The following GLIS1 variants were observed in gnomAD, a reference collection of about 807,000 sequenced individuals.
The protein encoded by GLIS1 is zinc finger protein GLIS1.
A neutral mutation model predicts 63.8 loss-of-function variants in GLIS1; 24 were observed. The observed-to-expected ratio is 0.38, with a 90% CI of 0.27 to 0.53. The LOEUF (loss-of-function observed/expected upper bound fraction) is 0.53, where lower values mean the gene tolerates loss of function less well. Ranked by LOEUF, GLIS1 falls within the 20% of genes least tolerant of loss-of-function variation. The pLI is 0.85. For missense variants in GLIS1, 1,036 were observed against 1,074.1 expected, an observed-to-expected ratio of 0.96 and a Z score of 0.50; for synonymous variants, 450 against 482.5, an observed-to-expected ratio of 0.93 and a Z score of 0.88.
chr1:53,584,951 C>A (rs1205077573), intron 4 of GLIS1, among the ~76,000 whole-genome samples: 2 of 152,332 alleles, frequency 1.3e-5, no homozygotes, highest in South Asian at 4.1e-4. Flanking sequence ...GTCTGGACAC[C>A]TTCTTAAAGT....
chr1:53,701,111 C>T (rs993888958), intron 2 of GLIS1, among the ~76,000 whole-genome samples: 2 of 152,218 alleles, frequency 1.3e-5, no homozygotes, highest in Non-Finnish European at 2.9e-5. Flanking sequence ...TGGGCCCATG[C>T]TTTCAGTCCT....
At chr1:53,535,360 T>TCTA (rs1356388272) in intron 4 of GLIS1, among the ~76,000 whole-genome samples, 2 of 152,040 alleles carry the variant, frequency 1.3e-5, no homozygotes, top group Non-Finnish European at 2.9e-5. Context: ...GTTTCTTCCA[T>TCTA]CTACCTTTAC....
rs1406408608 is a variant in GLIS1 at position 53,594,321 on chromosome 1, C to T, written c.1107G>A (p.Arg369=). The part of the protein sequence containing the change: ...LGLAGRVVAG[R]QACRWVDCCA... ...AGCAGTCCACCCAGCGGCACGCCTG[C>T]CGCCCGGCCACCACCCTGCCTGCCA... The change falls in exon 4 of 11, where the codon CGG becomes CGA. Residue 369 remains arginine, a synonymous_variant. Coordinates refer to ENST00000628545, the MANE Select transcript of GLIS1 (RefSeq NM_001367484.1). 9 of 1,611,850 alleles carry T rather than the reference C, an allele frequency of 5.6e-6. No individual in the cohort carries two copies. The highest frequency in any genetic ancestry group is 6.8e-6 in the Non-Finnish European group (8 of 1,179,592).
intron 4 of GLIS1, among the ~76,000 whole-genome samples, chr1:53,538,053 C>T (rs1400236049): frequency 6.6e-6 from 1 of 152,264 alleles, no homozygotes; most frequent in East Asian, 1.9e-4. Context: ...CCGCTCCTCG[C>T]TCCTGCACTC....
intron 4 of GLIS1, among the ~76,000 whole-genome samples, chr1:53,530,955 G>A (rs995823910): frequency 1.3e-5 from 2 of 152,250 alleles, no homozygotes; most frequent in African/African-American, 4.8e-5. Flanking sequence ...CTACATCCAG[G>A]TGTGGTGCTG....
At chr1:53,561,397 A>G (rs139200707) in intron 4 of GLIS1, among the ~76,000 whole-genome samples, 9 of 152,338 alleles carry the variant, frequency 5.9e-5, no homozygotes, top group Admixed American at 4.6e-4. Context: ...TGTGACTGCT[A>G]ATTGGATCCT....
At chr1:53,669,212 C>G (rs528245847) in intron 2 of GLIS1, among the ~76,000 whole-genome samples, 18 of 152,264 alleles carry the variant, frequency 1.2e-4, no homozygotes, top group African/African-American at 3.6e-4. Context: ...CATCCTCCCC[C>G]CACCTAGAGG....
intron 2 of GLIS1, among the ~76,000 whole-genome samples, chr1:53,638,815 C>G (rs893609987): frequency 6.6e-6 from 1 of 152,134 alleles, no homozygotes; most frequent in Non-Finnish European, 1.5e-5. Flanking sequence ...GCCGGGGGAG[C>G]ACATGACGAG....
At position 53,695,552 on chromosome 1, in the gene GLIS1, G is replaced by A. The variant is rs568792493; in HGVS notation, c.259+42254C>T. On this transcript the variant is annotated intron_variant, in intron 2 of 10. Coordinates refer to ENST00000628545, the MANE Select transcript of GLIS1 (RefSeq NM_001367484.1). ...GACTGCCACATAAGTAGCAGGCACC[G>A]AGCAGTGAATGTCCAGCACAGCGGA... Among the ~76,000 whole-genome samples the A allele has an allele frequency of 2.0e-5, 3 of 152,318 alleles. No individual in the cohort carries two copies. The East Asian group carries it at 5.8e-4, about 29-fold the overall frequency.
chr1:53,624,287 G>A (rs1645573193), intron 2 of GLIS1, among the ~76,000 whole-genome samples: 1 of 152,192 alleles, frequency 6.6e-6, no homozygotes, highest in Non-Finnish European at 1.5e-5. Context: ...GCAAACCAAT[G>A]AGAGAAAGAA....
At chr1:53,709,391 T>C (rs889027230) in intron 2 of GLIS1, among the ~76,000 whole-genome samples, 1 of 27,430 alleles carries the variant, frequency 3.6e-5, no homozygotes, top group Non-Finnish European at 7.4e-5. Context: ...TATACATATA[T>C]ATACATATAC....
In GLIS1 at chr1:53,668,010, C is replaced by T. The variant is rs983670186; in HGVS notation, c.260-67732G>A. On this transcript the variant is annotated intron_variant, in intron 2 of 10. Transcript: ENST00000628545. ...TATTTGGTCCCTCTGGCCTCTATGGCCTCATCTCGTTCCATTCTGCTCTCT... is the reference window on the plus strand; with the variant it reads ...TATTTGGTCCCTCTGGCCTCTATGGTCTCATCTCGTTCCATTCTGCTCTCT... Among the ~76,000 whole-genome samples, 50 of 152,236 alleles carry T rather than the reference C, an allele frequency of 3.3e-4. 1 individual carries two copies. The highest frequency in any genetic ancestry group is 2.4e-3 in the Admixed American group (36 of 15,286).
At chr1:53,738,833 G>C (rs1037117952) in intron 1 of GLIS1, among the ~76,000 whole-genome samples, 2 of 152,106 alleles carry the variant, frequency 1.3e-5, no homozygotes, top group Admixed American at 1.3e-4. Flanking sequence ...AGGCACGCCC[G>C]GGGACGGACA....
At chr1:53,593,688 T>A (rs2100528624) in intron 4 of GLIS1, among the ~76,000 whole-genome samples, 1 of 152,262 alleles carries the variant, frequency 6.6e-6, no homozygotes, top group African/African-American at 2.4e-5. Flanking sequence ...CTCACTGGGA[T>A]GGGTGGTGGT....
At chr1:53,513,186 C>T (rs1298588980) in intron 8 of GLIS1, among the ~76,000 whole-genome samples, 3 of 152,108 alleles carry the variant, frequency 2.0e-5, no homozygotes, top group Non-Finnish European at 2.9e-5. Flanking sequence ...CTGCCCAGCT[C>T]GGATTTCCTA....
chr1:53,724,153 T>G (rs1418636139), intron 2 of GLIS1, among the ~76,000 whole-genome samples: 2 of 152,218 alleles, frequency 1.3e-5, no homozygotes, highest in Non-Finnish European at 2.9e-5. Context: ...ATCTCAACAC[T>G]TCTATGGCCA....
chr1:53,594,024 C>T (rs1645220304), intron 4 of GLIS1, 84 bp downstream of exon 4: 5 of 1,451,266 alleles, frequency 3.4e-6, no homozygotes. Flanking sequence ...GACGGAGTCC[C>T]AGGCGGCCTC....
At chr1:53,691,928 T>C (rs1312074772) in intron 2 of GLIS1, among the ~76,000 whole-genome samples, 2 of 152,132 alleles carry the variant, frequency 1.3e-5, no homozygotes, top group African/African-American at 4.8e-5. Context: ...ATTACTCTAG[T>C]CCCACCATGG....
intron 2 of GLIS1, among the ~76,000 whole-genome samples, chr1:53,679,505 G>A (rs1570036720): frequency 6.6e-6 from 1 of 152,184 alleles, no homozygotes; most frequent in Non-Finnish European, 1.5e-5. Flanking sequence ...TGAAGACTCA[G>A]AGACTCAGAC....
Sources: allele counts gnomAD v4.1 joint callset (sites outside exome capture counted in the v4.1 genomes callset), GRCh38; gene constraint gnomAD v4.1.1; transcripts MANE v1.5; gene names NCBI Gene and HGNC (gene_info 2026-07-23, HGNC 2026-07-21).